The following ANKRD31 variants were observed in gnomAD, a reference collection of about 807,000 sequenced individuals.
The protein encoded by ANKRD31 is ankyrin repeat domain-containing protein 31.
A neutral mutation model predicts 186.0 loss-of-function variants in ANKRD31; 147 were observed. That is an observed-to-expected ratio of 0.79 (90% confidence interval 0.69 to 0.91). The LOEUF (loss-of-function observed/expected upper bound fraction) is 0.91, where lower values mean the gene tolerates loss of function less well. Ranked by LOEUF, ANKRD31 falls within the 40% of genes least tolerant of loss-of-function variation. The pLI is 0.00. For synonymous variants in ANKRD31, 673 were observed against 736.4 expected, an observed-to-expected ratio of 0.91 and a Z score of 1.39; for missense variants, 1,986 against 2,148.8, an observed-to-expected ratio of 0.92 and a Z score of 1.50.
chr5:75,215,224 G>T (rs1756896271), intron 3 of ANKRD31, among the ~76,000 whole-genome samples: 1 of 152,104 alleles, frequency 6.6e-6, no homozygotes, highest in South Asian at 2.1e-4. Context: ...GTTCTATTCA[G>T]GTCTTCAACT....
At chr5:75,188,721 A>G (rs1422426919) in intron 9 of ANKRD31, 73 bp from the exon 10 acceptor site, 2 of 1,314,648 alleles carry the variant, frequency 1.5e-6, no homozygotes, top group Non-Finnish European at 2.0e-6. Flanking sequence ...TACAAACCAC[A>G]TATTTCAAAC....
chr5:75,146,289 G>A lies in ANKRD31; in HGVS notation c.3122C>T (p.Ala1041Val), dbSNP rs1751429895. 1.3e-6 allele frequency: 2 copies of A among 1,536,400 alleles called. No homozygotes were observed. The highest frequency in any genetic ancestry group is 2.7e-5 in the African/African-American group (2 of 72,966). The change falls in exon 14 of 26, where the codon GCA becomes GTA. Residue 1041 changes from alanine to valine, a missense_variant. Coordinates refer to ENST00000506364, the MANE Select transcript of ANKRD31 (RefSeq NM_001372053.1). ...FKKPQDYIPRAPTFLMNQTDT... is the reference protein window; with the variant it reads ...FKKPQDYIPRVPTFLMNQTDT... ...TGTTTGATTCATTAAAAAAGTTGGT[G>A]CTCTGGGAATATAATCCTGTGGCTT...
rs538095627 is a variant in ANKRD31, at chr5:75,069,737, G to A, written c.5648-1073C>T. The stretch of plus-strand genomic sequence containing the variant: ...ATTTTTGTATCTTTAGTAGAGATGG[G>A]GTTTCGCCATGTTGGTCAGGCTGGT... On this transcript the variant is annotated intron_variant, in intron 25 of 25. Coordinates refer to ENST00000506364, the MANE Select transcript of ANKRD31 (RefSeq NM_001372053.1). 3.9e-5 allele frequency among the ~76,000 whole-genome samples: 6 copies of A among 152,050 alleles called. No individual in the cohort carries two copies. The East Asian group carries it at 1.2e-3, about 30-fold the overall frequency.
At chr5:75,189,609 CT>C (rs1405748891) in intron 9 of ANKRD31, among the ~76,000 whole-genome samples, 3 of 152,194 alleles carry the variant, frequency 2.0e-5, no homozygotes, top group African/African-American at 7.2e-5. Context: ...AAATTGCATG[CT>C]TACCATAATC....
Position 75,160,894 on chromosome 5 carries a change from T to C in ANKRD31, c.1708-6549A>G, listed in dbSNP as rs1181050623. ...CTCATTCTCTCTCTTGCTGCTGCCA[T>C]GTAAGAAGTGCTTTTCCCCTTATGC... On this transcript the variant is annotated intron_variant, in intron 11 of 25. Transcript: ENST00000506364. Among the ~76,000 whole-genome samples the C allele has an allele frequency of 3.9e-5, 6 of 152,194 alleles. No homozygotes were observed. The East Asian group carries it at 9.6e-4, about 24-fold the overall frequency.
At chr5:75,177,839 A>C (rs888488707) in intron 10 of ANKRD31, among the ~76,000 whole-genome samples, 4 of 152,186 alleles carry the variant, frequency 2.6e-5, no homozygotes, top group South Asian at 2.1e-4. Context: ...CGAGCAAAAT[A>C]ACCAGCTAAC....
intron 2 of ANKRD31, among the ~76,000 whole-genome samples, chr5:75,228,308 T>C (rs1343752347): frequency 6.6e-6 from 1 of 152,214 alleles, no homozygotes; most frequent in Non-Finnish European, 1.5e-5. Flanking sequence ...CTTGCATGCC[T>C]TGTTTGACTG....
intron 1 of ANKRD31, among the ~76,000 whole-genome samples, chr5:75,231,002 C>G (rs1001203337): frequency 6.6e-6 from 1 of 152,070 alleles, no homozygotes; most frequent in Admixed American, 6.6e-5. Context: ...TTCTCTATAC[C>G]AGAGAACTTG....
chr5:75,073,633 C>T (rs1167536307), intron 25 of ANKRD31, among the ~76,000 whole-genome samples: 4 of 152,182 alleles, frequency 2.6e-5, no homozygotes, highest in African/African-American at 7.2e-5. Context: ...TTTAAAAATG[C>T]TAATGTTAAA....
chr5:75,124,824 G>C (rs1230408326), intron 17 of ANKRD31, among the ~76,000 whole-genome samples: 1 of 152,082 alleles, frequency 6.6e-6, no homozygotes, highest in Non-Finnish European at 1.5e-5. Flanking sequence ...GAAGGGTAGG[G>C]GGTGGGAGGG....
intron 22 of ANKRD31, among the ~76,000 whole-genome samples, chr5:75,099,905 T>C (rs1254165915): frequency 6.6e-6 from 1 of 152,192 alleles, no homozygotes; most frequent in Non-Finnish European, 1.5e-5. Flanking sequence ...TGAATGGTTT[T>C]TTGTGTCTCT....
chr5:75,127,710 T>C (rs1388006091), intron 17 of ANKRD31, among the ~76,000 whole-genome samples: 1 of 152,202 alleles, frequency 6.6e-6, no homozygotes. Flanking sequence ...AATCTATAGA[T>C]CAATTTGGGT....
At chr5:75,183,425 G>C (rs914110118) in intron 10 of ANKRD31, among the ~76,000 whole-genome samples, 1 of 151,852 alleles carries the variant, frequency 6.6e-6, no homozygotes, top group Non-Finnish European at 1.5e-5. Flanking sequence ...AGAGAAATTA[G>C]GCAAAAGAAA....
chr5:75,165,803 T>C (rs937600994), intron 11 of ANKRD31, among the ~76,000 whole-genome samples: 1 of 152,134 alleles, frequency 6.6e-6, no homozygotes. Context: ...TCCTAAAATA[T>C]AGAAAGGACT....
At position 75,146,766 on chromosome 5, in the gene ANKRD31, C is replaced by A; in HGVS notation, c.2645G>T (p.Arg882Ile). Residue 882 changes from arginine to isoleucine, a missense_variant, in exon 14 of 26, where the codon AGA becomes ATA. Arg to Ile is a moderately conservative substitution (Grantham distance 97). Coordinates refer to ENST00000506364, the MANE Select transcript of ANKRD31 (RefSeq NM_001372053.1). ...ENSNLVPKDE[R>I]FNKWENSFLS... ...GAAAGAATTTTCCCATTTGTTAAAT[C>A]TCTCATCTTTTGGGACCAAGTTACT... 6.5e-7 allele frequency: 1 copy of A among 1,536,130 alleles called. No homozygotes were observed. Among genetic ancestry groups the A allele is most frequent in the East Asian group, 2.4e-5 (1 of 40,876 alleles).
At position 75,236,797 on chromosome 5, in the gene ANKRD31, A is replaced by C; in HGVS notation, c.-111T>G. 1.2e-5 allele frequency: 11 copies of C among 898,968 alleles called. No individual in the cohort carries two copies. The highest frequency in any genetic ancestry group is 1.7e-5 in the African/African-American group (1 of 57,964). The allele number at this position is 898,968 out of a possible 1,614,324, so 55.7% of individuals were successfully genotyped here. ...ATTGTGAATTAAAAATAAAAATAAT[A>C]TAATCGCAGCAGGAGCCGGGACTTG... On this transcript the variant is annotated 5_prime_UTR_variant, in exon 1 of 26. Coordinates refer to ENST00000506364, the MANE Select transcript of ANKRD31 (RefSeq NM_001372053.1).
intron 20 of ANKRD31, among the ~76,000 whole-genome samples, chr5:75,108,525 G>A (rs950303448): frequency 4.6e-5 from 7 of 151,954 alleles, no homozygotes; most frequent in Admixed American, 2.0e-4. Context: ...TTTCACTTTC[G>A]GCTTTCTTTC....
intron 15 of ANKRD31, among the ~76,000 whole-genome samples, chr5:75,143,637 C>T (rs1001217154): frequency 2.0e-5 from 3 of 152,126 alleles, no homozygotes; most frequent in Non-Finnish European, 4.4e-5. Context: ...ACAAAACAAA[C>T]TAATGGCTAT....
At chr5:75,161,152 A>T (rs1044158583) in intron 11 of ANKRD31, among the ~76,000 whole-genome samples, 1 of 152,204 alleles carries the variant, frequency 6.6e-6, no homozygotes, top group Non-Finnish European at 1.5e-5. Flanking sequence ...TCAGAAGAAG[A>T]CAGAAAAAGG....
Sources: gnomAD v4.1 joint callset for allele counts (sites outside exome capture counted in the v4.1 genomes callset) on GRCh38, gnomAD v4.1.1 for gene constraint, MANE v1.5 for transcripts, NCBI Gene and HGNC (gene_info 2026-07-23, HGNC 2026-07-21) for gene names.